Variants in NAV2 observed in about 807,000 individuals in gnomAD.
NAV2 encodes neuron navigator 2.
Under a neutral mutation model 223.2 loss-of-function variants are expected in NAV2, and 54 were observed. That is an observed-to-expected ratio of 0.24 (90% CI 0.19 to 0.30). NAV2 has a LOEUF of 0.30. Among genes scored for constraint, NAV2 ranks in the 10% least tolerant of loss-of-function variants. The pLI is 1.00. For missense variants in NAV2, 2,806 were observed against 3,147.5 expected, an observed-to-expected ratio of 0.89 and a Z score of 2.60; for synonymous variants, 1,279 against 1,239.3, an observed-to-expected ratio of 1.03 and a Z score of -0.67.
chr11:19,380,272 A>T (rs1263025538), intron 1 of NAV2, among the ~76,000 whole-genome samples: 1 of 152,178 alleles, frequency 6.6e-6, no homozygotes, highest in Non-Finnish European at 1.5e-5. Context: ...TTACAGTGGG[A>T]TTCTCTCCAT....
At chr11:19,760,752 AG>A (rs2054672840) in intron 1 of NAV2, among the ~76,000 whole-genome samples, 1 of 152,236 alleles carries the variant, frequency 6.6e-6, no homozygotes, top group African/African-American at 2.4e-5. Context: ...TGGGTTAAAA[AG>A]AACCAGTTAT....
chr11:19,522,555 C>G (rs2632060), intron 1 of NAV2, among the ~76,000 whole-genome samples: 2 of 151,938 alleles, frequency 1.3e-5, no homozygotes, highest in Non-Finnish European at 2.9e-5. Context: ...CCTGCTGGAA[C>G]CCATGAGGCC....
chr11:20,094,223 C>CTTTTTTTTTTTTTTTT (rs61099684), intron 29 of NAV2, among the ~76,000 whole-genome samples: 3 of 88,512 alleles, frequency 3.4e-5, no homozygotes, highest in African/African-American at 4.8e-5. Flanking sequence ...TTTTCTTTAT[C>CTTTTTTTTTTTTTTTT]TTTTTTTTTT....
intron 8 of NAV2, among the ~76,000 whole-genome samples, chr11:19,942,406 T>C (rs1021941984): frequency 6.6e-6 from 1 of 152,228 alleles, no homozygotes; most frequent in East Asian, 1.9e-4. Context: ...TTTTGTGCTA[T>C]GTGCCATATC....
At chr11:19,503,008 G>A (rs183388128) in intron 1 of NAV2, 1 of 152,328 alleles carries the variant, frequency 6.6e-6, no homozygotes, top group East Asian at 1.9e-4. Flanking sequence ...AAGACTGTCA[G>A]GTAATTTTCT....
chr11:20,105,195 G>T (rs2061937752), intron 34 of NAV2: 1 of 201,544 alleles, frequency 5.0e-6, no homozygotes, highest in Non-Finnish European at 1.0e-5. Flanking sequence ...TGTCTCAGTG[G>T]TTAGAGCCTA....
intron 1 of NAV2, among the ~76,000 whole-genome samples, chr11:19,516,352 C>G (rs547850591): frequency 4.6e-5 from 7 of 152,354 alleles, no homozygotes; most frequent in African/African-American, 1.4e-4. Context: ...ACTCCCACCC[C>G]CAAAGTCCAG....
chr11:19,535,656 C>G (rs937599958), intron 1 of NAV2, among the ~76,000 whole-genome samples: 1 of 152,122 alleles, frequency 6.6e-6, no homozygotes, highest in Non-Finnish European at 1.5e-5. Flanking sequence ...CGGTTTCTTC[C>G]ACCTCCTTTG....
intron 1 of NAV2, among the ~76,000 whole-genome samples, chr11:19,562,591 A>G (rs2045139899): frequency 6.6e-6 from 1 of 152,108 alleles, no homozygotes; most frequent in Non-Finnish European, 1.5e-5. Flanking sequence ...TAGGGATTAG[A>G]CCTCTGACAC....
chr11:19,349,913 C>G (rs1402276987), upstream of NAV2, among the ~76,000 whole-genome samples: 2 of 152,120 alleles, frequency 1.3e-5, no homozygotes, highest in Non-Finnish European at 2.9e-5. Context: ...TAGGCAGTTG[C>G]TTTTCGGCCC....
chr11:20,086,469 C>T (rs1039953082), intron 26 of NAV2, among the ~76,000 whole-genome samples: 1 of 152,186 alleles, frequency 6.6e-6, no homozygotes, highest in Non-Finnish European at 1.5e-5. Flanking sequence ...CTACCATGAG[C>T]CAGTGCTCCC....
rs191771148 is a variant in NAV2 at position 20,010,068 on chromosome 11, A to G, written c.2768+25821A>G. Among the ~76,000 whole-genome samples the G allele has an allele frequency of 3.3e-5, 5 of 152,314 alleles. No individual in the cohort carries two copies. The East Asian group carries it at 9.6e-4, about 29-fold the overall frequency. ...CCAGTGTTTCCTCATTACCCAAGCC[A>G]CATGAGGAAACTGCTCAGACAGGTA... On this transcript the variant is annotated intron_variant, in intron 11 of 37. Coordinates refer to ENST00000349880, the MANE Select transcript of NAV2 (RefSeq NM_145117.5).
At position 19,360,157 on chromosome 11, in the gene NAV2, T is replaced by C. The variant is rs148352787; in HGVS notation, c.75+9130T>C. ...AGCCAAATCTCAGCCTTGGCCCCCA[T>C]CCTGTCTTTGGCCTGCCAGCCTGGT... On this transcript the variant is annotated intron_variant, in intron 1 of 37. Transcript: ENST00000360655. Among the ~76,000 whole-genome samples, 564 of 152,312 alleles carry C rather than the reference T, an allele frequency of 3.7e-3. 3 individuals are homozygous for C. Among genetic ancestry groups the C allele is most frequent in the African/African-American group, 0.012 (483 of 41,564 alleles).
chr11:20,109,590 T>C (rs4757034), intron 36 of NAV2, among the ~76,000 whole-genome samples: 122,410 of 152,178 alleles, frequency 0.8, 51,850 homozygotes, highest in Non-Finnish European at 0.95. Flanking sequence ...TTTCAGAAGC[T>C]TCTCTCCTCT....
chr11:19,799,651 C>G (rs1459233746), intron 1 of NAV2, among the ~76,000 whole-genome samples: 1 of 152,130 alleles, frequency 6.6e-6, no homozygotes, highest in Non-Finnish European at 1.5e-5. Flanking sequence ...AAGTCTGTCA[C>G]CTGCCCCTGC....
chr11:19,512,655 G>T (rs1201657679), intron 1 of NAV2, among the ~76,000 whole-genome samples: 1 of 152,212 alleles, frequency 6.6e-6, no homozygotes, highest in Non-Finnish European at 1.5e-5. Context: ...CTCGGGACCA[G>T]GTGGAAGCCA....
At chr11:19,478,050 C>T (rs1412687056) in intron 1 of NAV2, among the ~76,000 whole-genome samples, 1 of 152,164 alleles carries the variant, frequency 6.6e-6, no homozygotes, top group Admixed American at 6.5e-5. Context: ...TATCCTATAG[C>T]CTTCAAAATG....
In NAV2 at chr11:19,978,517, C is replaced by T. The variant is rs914846065; in HGVS notation, c.2646-5608C>T. Among the ~76,000 whole-genome samples, 18 of 152,254 alleles carry T rather than the reference C, an allele frequency of 1.2e-4. No homozygotes were observed. In the East Asian group the frequency reaches 3.5e-3, roughly 29 times the overall value. The stretch of plus-strand genomic sequence containing the variant: ...ATTACACACACATTTGTAATTATTC[C>T]ATGTTTCTGTGTCCACGTTTCAACC... On this transcript the variant is annotated intron_variant, in intron 10 of 37. Transcript: ENST00000349880.
intron 1 of NAV2, among the ~76,000 whole-genome samples, chr11:19,617,357 A>C (rs1390961761): frequency 6.6e-6 from 1 of 152,174 alleles, no homozygotes; most frequent in African/African-American, 2.4e-5. Context: ...TGCAGAAAGC[A>C]TACACCTTCC....
Sources: allele counts gnomAD v4.1 joint callset (sites outside exome capture counted in the v4.1 genomes callset), GRCh38; gene constraint gnomAD v4.1.1; transcripts MANE v1.5; gene names NCBI Gene and HGNC (gene_info 2026-07-23, HGNC 2026-07-21).